Variants in FBXW7 observed in about 807,000 individuals in gnomAD.
The protein encoded by FBXW7 is F-box and WD repeat domain containing 7.
A neutral mutation model predicts 86.3 loss-of-function variants in FBXW7; 11 were observed. The ratio of observed to expected loss-of-function variants is 0.13; its 90% CI spans 0.08 to 0.21. FBXW7 has a LOEUF of 0.21. Ranked by LOEUF, FBXW7 falls within the 10% of genes least tolerant of loss-of-function variation. FBXW7 has a pLI of 1.00. For synonymous variants in FBXW7, 313 were observed against 297.9 expected, an observed-to-expected ratio of 1.05 and a Z score of -0.52; for missense variants, 488 against 847.4, an observed-to-expected ratio of 0.58 and a Z score of 5.27.
At chr4:152,374,488 A>G (rs955136463) in intron 4 of FBXW7, among the ~76,000 whole-genome samples, 1 of 152,134 alleles carries the variant, frequency 6.6e-6, no homozygotes, top group African/African-American at 2.4e-5. Context: ...CATTTAGTAA[A>G]CAAAAACAAG....
chr4:152,412,311 C>T (rs961417299), intron 3 of FBXW7, among the ~76,000 whole-genome samples, 169 bp downstream of exon 3: 1 of 152,024 alleles, frequency 6.6e-6, no homozygotes, highest in Non-Finnish European at 1.5e-5. Flanking sequence ...GATTAAAAGG[C>T]TTTTTACCCT....
At chr4:152,395,574 T>C (rs760358895) in intron 4 of FBXW7, among the ~76,000 whole-genome samples, 8 of 152,072 alleles carry the variant, frequency 5.3e-5, no homozygotes, top group Non-Finnish European at 1.0e-4. Flanking sequence ...CATTTGGCAG[T>C]TTAATAACTA....
At chr4:152,377,588 C>G (rs1553964574) in intron 4 of FBXW7, among the ~76,000 whole-genome samples, 1 of 133,246 alleles carries the variant, frequency 7.5e-6, no homozygotes, top group Non-Finnish European at 1.5e-5. Context: ...CCTGTCTCTA[C>G]TAAAAATATC....
At chr4:152,403,003 C>T (rs1579102685) in intron 4 of FBXW7, among the ~76,000 whole-genome samples, 1 of 152,246 alleles carries the variant, frequency 6.6e-6, no homozygotes, top group East Asian at 1.9e-4. Context: ...CAGGTTTGGC[C>T]TTGGTGATCT....
At chr4:152,470,978 T>C (rs1249617949) in intron 2 of FBXW7, among the ~76,000 whole-genome samples, 1 of 152,102 alleles carries the variant, frequency 6.6e-6, no homozygotes, top group African/African-American at 2.4e-5. Context: ...AATAAAGCTG[T>C]TTTTAAATTC....
intron 4 of FBXW7, among the ~76,000 whole-genome samples, chr4:152,394,161 T>C (rs571834240): frequency 1.3e-5 from 2 of 152,134 alleles, no homozygotes; most frequent in Non-Finnish European, 2.9e-5. Flanking sequence ...ATTGCTTCAT[T>C]TGTTTATAAT....
intron 6 of FBXW7, 171 bp from the exon 7 acceptor site, chr4:152,338,107 T>C: frequency 2.4e-6 from 1 of 418,072 alleles, no homozygotes; most frequent in East Asian, 3.5e-5. Flanking sequence ...AGGCATTTAA[T>C]TTCATCACTT....
At chr4:152,430,784 T>A (rs1579179870) in intron 2 of FBXW7, among the ~76,000 whole-genome samples, 1 of 152,198 alleles carries the variant, frequency 6.6e-6, no homozygotes, top group Admixed American at 6.5e-5. Flanking sequence ...AATTTTCTTA[T>A]CTATATATCT....
At chr4:152,374,810 G>A (rs1055862790) in intron 4 of FBXW7, among the ~76,000 whole-genome samples, 4 of 151,716 alleles carry the variant, frequency 2.6e-5, no homozygotes, top group African/African-American at 9.7e-5. Context: ...AGGTAAGCTG[G>A]ACCATGAGGT....
intron 5 of FBXW7, among the ~76,000 whole-genome samples, chr4:152,349,740 C>T (rs1283437131): frequency 6.6e-6 from 1 of 151,740 alleles, no homozygotes; most frequent in Non-Finnish European, 1.5e-5. Context: ...GACACAGGGG[C>T]TCATATTCAT....
chr4:152,339,922 CAAAAA>C (rs1227838925), intron 6 of FBXW7, among the ~76,000 whole-genome samples: 1 of 66,350 alleles, frequency 1.5e-5, no homozygotes, highest in African/African-American at 5.1e-5. Flanking sequence ...GGCTTTGTCT[CAAAAA>C]AAAAAAAAAA....
intron 2 of FBXW7, among the ~76,000 whole-genome samples, chr4:152,509,661 C>T (rs1190154431): frequency 6.6e-6 from 1 of 152,102 alleles, no homozygotes; most frequent in Non-Finnish European, 1.5e-5. Context: ...ATTTTTACAA[C>T]AGTAATTCTC....
chr4:152,478,512 C>T (rs1412622145), intron 2 of FBXW7, among the ~76,000 whole-genome samples: 3 of 152,090 alleles, frequency 2.0e-5, no homozygotes, highest in Non-Finnish European at 4.4e-5. Context: ...ATGAGTAATG[C>T]TGCTATGAAC....
Position 152,529,836 on chromosome 4 carries a change from T to C in FBXW7, c.-120+5105A>G, listed in dbSNP as rs900534830. On this transcript the variant is annotated intron_variant, in intron 2 of 13. Transcript: ENST00000281708. ...GTGGGTGCTAAAACACACACACATA[T>C]ACCCTCGAGGCTCTCTAATTCCCTA... 2.0e-5 allele frequency among the ~76,000 whole-genome samples: 3 copies of C among 151,902 alleles called. No individual in the cohort carries two copies. In the East Asian group the frequency reaches 5.8e-4, roughly 29 times the overall value.
intron 4 of FBXW7, among the ~76,000 whole-genome samples, chr4:152,367,315 T>C (rs1040503438): frequency 2.6e-5 from 4 of 152,130 alleles, no homozygotes; most frequent in African/African-American, 4.8e-5. Flanking sequence ...ATATATATTA[T>C]ATATATTCAC....
In FBXW7 at chr4:152,336,434, G is replaced by GA. The variant is rs945619862; in HGVS notation, c.861+1367dup. ...AACCTCACCATTATTAGAAATAAGA[G>GA]AAAAAATGAGACTATGAGAAAGCCT... On this transcript the variant is annotated intron_variant, in intron 7 of 13. Coordinates refer to ENST00000281708, the MANE Select transcript of FBXW7 (RefSeq NM_001349798.2). Among the ~76,000 whole-genome samples the GA allele has an allele frequency of 7.9e-5, 12 of 152,004 alleles. No homozygotes were observed. The East Asian group carries it at 2.3e-3, about 29-fold the overall frequency.
At chr4:152,396,843 CAGTT>C (rs1736458396) in intron 4 of FBXW7, among the ~76,000 whole-genome samples, 1 of 151,888 alleles carries the variant, frequency 6.6e-6, no homozygotes, top group South Asian at 2.1e-4. Flanking sequence ...AAAATATTAT[CAGTT>C]AGAGAATACT....
intron 4 of FBXW7, among the ~76,000 whole-genome samples, chr4:152,357,202 G>A (rs1406990029): frequency 6.6e-6 from 1 of 152,020 alleles, no homozygotes; most frequent in African/African-American, 2.4e-5. Context: ...TTATTTTTTG[G>A]GGGGAAGGGG....
intron 2 of FBXW7, among the ~76,000 whole-genome samples, chr4:152,520,901 G>C (rs1443042264): frequency 6.6e-6 from 1 of 152,176 alleles, no homozygotes; most frequent in Admixed American, 6.5e-5. Flanking sequence ...AATTTTATCA[G>C]CTCCTGGGAT....
Sources: gnomAD v4.1 joint callset for allele counts (sites outside exome capture counted in the v4.1 genomes callset) on GRCh38, gnomAD v4.1.1 for gene constraint, MANE v1.5 for transcripts, NCBI Gene and HGNC (gene_info 2026-07-23, HGNC 2026-07-21) for gene names.